Variants in LEPR observed in about 807,000 individuals in gnomAD.
LEPR encodes the protein OB receptor.
A neutral mutation model predicts 114.7 loss-of-function variants in LEPR; 56 were observed. The ratio of observed to expected loss-of-function variants is 0.49; its 90% confidence interval spans 0.39 to 0.61. The LOEUF (loss-of-function observed/expected upper bound fraction) is 0.61. Ranked by LOEUF, LEPR falls within the 20% of genes least tolerant of loss-of-function variation. The pLI is 0.00. For missense variants in LEPR, 1,202 were observed against 1,352.9 expected (o/e 0.89, Z 1.75); for synonymous variants, 443 against 461.4 (o/e 0.96, Z 0.51).
intron 2 of LEPR, among the ~76,000 whole-genome samples, chr1:65,510,854 G>A (rs535119240): frequency 6.6e-6 from 1 of 152,044 alleles, no homozygotes; most frequent in Non-Finnish European, 1.5e-5. Flanking sequence ...GTTTTAAATT[G>A]AATATGTTTT....
At chr1:65,567,172 A>T (rs1653825487) in intron 3 of LEPR, among the ~76,000 whole-genome samples, 1 of 152,310 alleles carries the variant, frequency 6.6e-6, no homozygotes, top group Non-Finnish European at 1.5e-5. Flanking sequence ...AGGGAAAGAA[A>T]TATCATTTGC....
At chr1:65,476,431 A>G (rs1456502005) in intron 2 of LEPR, among the ~76,000 whole-genome samples, 3 of 152,106 alleles carry the variant, frequency 2.0e-5, no homozygotes, top group Admixed American at 2.0e-4. Flanking sequence ...ATAGCCTCAG[A>G]ACTCCCGGAG....
chr1:65,609,486 C>A (rs992395572), intron 12 of LEPR, among the ~76,000 whole-genome samples: 4 of 152,194 alleles, frequency 2.6e-5, no homozygotes, highest in Non-Finnish European at 5.9e-5. Flanking sequence ...ATATCAGAAA[C>A]CCTTATTGTA....
In LEPR at chr1:65,633,018, C is replaced by A; in HGVS notation, c.2674-3173C>A. ...AATTTTGCCCTTTCCCAAAAGGATG[C>A]ATTATTGTAACCTAACACAAAAATT... On this transcript the variant is annotated intron_variant, in intron 19 of 19. Coordinates refer to ENST00000349533, the MANE Select transcript of LEPR (RefSeq NM_002303.6). This position sits in a 1 kb window ranked among gnomAD's most constrained non-coding sequence, Gnocchi z 4.1. The A allele has an allele frequency of 1.3e-5, 9 of 703,594 alleles. No individual in the cohort carries two copies. The highest frequency in any genetic ancestry group is 2.1e-5 in the Non-Finnish European group (9 of 426,482). 43.6% of individuals were successfully genotyped at this position (703,594 alleles called of 1,614,324 possible). A position where few individuals can be genotyped will look rare whatever the true frequency, so the allele number is the denominator to read the frequency against.
chr1:65,633,353 G>T lies in LEPR; in HGVS notation c.2674-2838G>T. 1.5e-6 allele frequency: 2 copies of T among 1,322,354 alleles called. No homozygotes were observed. The highest frequency in any genetic ancestry group is 1.9e-6 in the Non-Finnish European group (2 of 1,036,442). 81.9% of individuals were successfully genotyped at this position (1,322,354 alleles called of 1,614,324 possible). A position where few individuals can be genotyped will look rare whatever the true frequency, so the allele number is the denominator to read the frequency against. On this transcript the variant is annotated intron_variant, in intron 19 of 19. Transcript: ENST00000349533. This position sits in a 1 kb window ranked among gnomAD's most constrained non-coding sequence, Gnocchi z 4.1. ...AACTTAAAATAGATGTGTAAATTTG[G>T]GTTCAAAATGTAGATTTGAGTCCAG... is the stretch of plus-strand genomic sequence containing the variant.
intron 5 of LEPR, among the ~76,000 whole-genome samples, chr1:65,590,709 C>A (rs1655638321): frequency 6.6e-6 from 1 of 152,050 alleles, no homozygotes; most frequent in African/African-American, 2.4e-5. Flanking sequence ...TTCTTCCTAG[C>A]AGCATAAGAA....
intron 15 of LEPR, 104 bp downstream of exon 15, chr1:65,616,328 A>C: frequency 8.3e-7 from 1 of 1,207,792 alleles, no homozygotes; most frequent in Non-Finnish European, 1.2e-6. Context: ...AATTCTCTGC[A>C]TCTGAAAGTC....
chr1:65,586,385 C>A (rs72683105), intron 5 of LEPR, among the ~76,000 whole-genome samples: 1 of 151,978 alleles, frequency 6.6e-6, no homozygotes, highest in South Asian at 2.1e-4. Flanking sequence ...CCATCAAATA[C>A]CCACCAGTAG....
At chr1:65,516,727 C>G (rs1470174401) in intron 2 of LEPR, among the ~76,000 whole-genome samples, 1 of 152,204 alleles carries the variant, frequency 6.6e-6, no homozygotes, top group Non-Finnish European at 1.5e-5. Flanking sequence ...TTACTTAAAT[C>G]TAAGAATATA....
At chr1:65,528,784 CT>C in intron 2 of LEPR, among the ~76,000 whole-genome samples, 1 of 151,920 alleles carries the variant, frequency 6.6e-6, no homozygotes, top group South Asian at 2.1e-4. Context: ...TCTAATTTAC[CT>C]TTTTTTAAAA....
chr1:65,525,790 C>T, intron 2 of LEPR: 2 of 986,214 alleles, frequency 2.0e-6, no homozygotes, highest in African/African-American at 3.5e-5. Context: ...CCATCTCTGC[C>T]TTCGGTCGAG....
chr1:65,589,326 A>G (rs1227919709), intron 5 of LEPR, among the ~76,000 whole-genome samples: 1 of 152,032 alleles, frequency 6.6e-6, no homozygotes, highest in Non-Finnish European at 1.5e-5. Context: ...CAAATCTTTT[A>G]TCAGATAGAT....
At chr1:65,427,128 T>A (rs1646392673) in intron 2 of LEPR, among the ~76,000 whole-genome samples, 1 of 152,212 alleles carries the variant, frequency 6.6e-6, no homozygotes. Flanking sequence ...CCAAGAGGGA[T>A]CCAGATATAA....
At chr1:65,466,917 G>A (rs1647020860) in intron 2 of LEPR, among the ~76,000 whole-genome samples, 1 of 152,054 alleles carries the variant, frequency 6.6e-6, no homozygotes, top group South Asian at 2.1e-4. Flanking sequence ...ATTCTAGTTA[G>A]CCATTCATTC....
chr1:65,465,722 A>G (rs1647003325), intron 2 of LEPR, among the ~76,000 whole-genome samples: 1 of 152,192 alleles, frequency 6.6e-6, no homozygotes, highest in East Asian at 1.9e-4. Flanking sequence ...TGTTGGGTAC[A>G]TACATATTTA....
chr1:65,583,201 CA>C (rs1570749789), intron 5 of LEPR, among the ~76,000 whole-genome samples: 1 of 152,274 alleles, frequency 6.6e-6, no homozygotes, highest in East Asian at 1.9e-4. Context: ...CTGAGCCCAA[CA>C]ATCTTGCAGA....
chr1:65,636,568 T>G lies in LEPR; in HGVS notation c.3051T>G (p.Asn1017Lys), dbSNP rs1658727154. ...SSVTKCFSSK[N>K]SPLKDSFSNS... Reference sequence around the variant, plus strand: ...TCACCAAGTGCTTCTCTAGCAAAAATTCTCCGTTGAAGGATTCTTTCTCTA... The same window carrying G: ...TCACCAAGTGCTTCTCTAGCAAAAAGTCTCCGTTGAAGGATTCTTTCTCTA... Residue 1017 changes from asparagine (N) to lysine (K), a missense_variant, in exon 20 of 20, where the codon AAT becomes AAG. Asn to Lys is a moderately conservative substitution (Grantham distance 94). Coordinates refer to ENST00000349533, the MANE Select transcript of LEPR (RefSeq NM_002303.6). The G allele has an allele frequency of 6.2e-7, 1 of 1,613,930 alleles. No individual in the cohort carries two copies. Among genetic ancestry groups the G allele is most frequent in the Non-Finnish European group, 8.5e-7 (1 of 1,180,002 alleles).
At position 65,637,775 on chromosome 1, in the gene LEPR, T is replaced by A. The variant is rs1015051746; in HGVS notation, c.*760T>A. 2 of 152,300 alleles carry A rather than the reference T, an allele frequency of 1.3e-5. No homozygotes were observed. The highest frequency in any genetic ancestry group is 2.9e-5 in the Non-Finnish European group (2 of 68,094). 9.4% of individuals were successfully genotyped at this position (152,300 alleles called of 1,614,324 possible). A position where few individuals can be genotyped will look rare whatever the true frequency, so the allele number is the denominator to read the frequency against. ...CCCCCATCCCCACCTGGACATATCC[T>A]ATTTTTTCCCCTCACTGAGCATTCT... On this transcript the variant is annotated 3_prime_UTR_variant, in exon 20 of 20. Coordinates refer to ENST00000349533, the MANE Select transcript of LEPR (RefSeq NM_002303.6).
intron 8 of LEPR, among the ~76,000 whole-genome samples, chr1:65,599,807 A>G (rs1295769303): frequency 2.0e-5 from 3 of 152,196 alleles, no homozygotes; most frequent in African/African-American, 7.2e-5. Context: ...TAAAAATTGC[A>G]TAGTATGTCA....
Sources: gnomAD v4.1 joint callset for allele counts (sites outside exome capture counted in the v4.1 genomes callset) on GRCh38, gnomAD v4.1.1 for gene constraint, Gnocchi (gnomAD v3.1) non-coding constraint, MANE v1.5 for transcripts, NCBI Gene and HGNC (gene_info 2026-07-23, HGNC 2026-07-21) for gene names.